Variants in SUGT1 observed in about 807,000 individuals in gnomAD.
The protein encoded by SUGT1 is SGT1 assembly cochaperone of MIS12 kinetochore complex.
A neutral mutation model predicts 56.1 loss-of-function variants in SUGT1; 15 were observed. That is an observed-to-expected ratio of 0.27 (90% CI 0.18 to 0.41). SUGT1 has a LOEUF of 0.41. Among genes scored for constraint, SUGT1 ranks in the 10% least tolerant of loss-of-function variants. SUGT1 has a pLI of 1.00. For missense variants in SUGT1, 347 were observed against 382.2 expected (o/e 0.91, Z 0.77); for synonymous variants, 123 against 128.6 (o/e 0.96, Z 0.30).
chr13:52,672,100 C>T (rs550008378), intron 10 of SUGT1, among the ~76,000 whole-genome samples: 3 of 152,134 alleles, frequency 2.0e-5, no homozygotes, highest in Non-Finnish European at 2.9e-5. Context: ...TTAGTTATTT[C>T]GATTTTTATT....
In SUGT1 at chr13:52,665,706, T is replaced by G; in HGVS notation, c.492T>G (p.Asp164Glu). 6.2e-7 allele frequency: 1 copy of G among 1,607,010 alleles called. No homozygotes were observed. Among genetic ancestry groups the G allele is most frequent in the African/African-American group, 1.3e-5 (1 of 74,588 alleles). Residue 164 changes from aspartate to glutamate, a missense_variant, in exon 9 of 13, where the codon GAT becomes GAG. By Grantham distance (45) the Asp-to-Glu change is conservative. Coordinates refer to ENST00000310528, the MANE Select transcript of SUGT1 (RefSeq NM_006704.5). ...TLMIKNVQKN[D>E]VNVEFSEKEL... ...TGATCAAGAATGTTCAGAAGAATGA[T>G]GTAAATGTGGAATTTTCAGAAAAAG...
At chr13:52,654,160 A>G (rs576962099) in intron 2 of SUGT1, among the ~76,000 whole-genome samples, 9 of 152,352 alleles carry the variant, frequency 5.9e-5, no homozygotes, top group Admixed American at 2.0e-4. Context: ...GCCAGGTCCT[A>G]TAAGGCCTTT....
intron 5 of SUGT1, among the ~76,000 whole-genome samples, chr13:52,660,968 G>A (rs898953421): frequency 1.3e-5 from 2 of 152,026 alleles, no homozygotes; most frequent in African/African-American, 4.8e-5. Context: ...CACCACACCT[G>A]ACTAATTTTT....
At chr13:52,683,200 G>A (rs1249571417) in intron 12 of SUGT1, among the ~76,000 whole-genome samples, 2 of 152,134 alleles carry the variant, frequency 1.3e-5, no homozygotes, top group Non-Finnish European at 1.5e-5. Flanking sequence ...TAAGGGAAAA[G>A]TATCTGTTGT....
At position 52,687,847 on chromosome 13, in the gene SUGT1, T is replaced by C; in HGVS notation, c.*12T>C. 1 of 1,563,206 alleles carries C rather than the reference T, an allele frequency of 6.4e-7. No homozygotes were observed. Among genetic ancestry groups the C allele is most frequent in the Non-Finnish European group, 8.7e-7 (1 of 1,150,532 alleles). ...GGAAAAAGTACTAAATAAATTAATT[T>C]GCTCTCATCGTATTGTGTATATTCA... is the stretch of plus-strand genomic sequence containing the variant. On this transcript the variant is annotated 3_prime_UTR_variant, in exon 13 of 13. Coordinates refer to ENST00000310528, the MANE Select transcript of SUGT1 (RefSeq NM_006704.5).
intron 10 of SUGT1, among the ~76,000 whole-genome samples, chr13:52,672,290 GT>G (rs908202399): frequency 2.0e-5 from 3 of 152,074 alleles, no homozygotes; most frequent in Non-Finnish European, 2.9e-5. Context: ...GAATCTTTTT[GT>G]TTATGGGAAT....
intron 10 of SUGT1, among the ~76,000 whole-genome samples, chr13:52,675,624 C>T (rs537173621): frequency 3.9e-5 from 6 of 152,276 alleles, no homozygotes; most frequent in Admixed American, 1.3e-4. Context: ...TGTACTGTCT[C>T]ATAGTAGGTG....
At chr13:52,659,096 A>G in intron 4 of SUGT1, 83 bp from the exon 5 acceptor site, 2 of 1,173,974 alleles carry the variant, frequency 1.7e-6, no homozygotes, top group Non-Finnish European at 1.2e-6. Context: ...TCAACAGTAG[A>G]AAATACTAAG....
intron 11 of SUGT1, among the ~76,000 whole-genome samples, chr13:52,678,594 G>C (rs146215266): frequency 6.6e-6 from 1 of 152,026 alleles, no homozygotes; most frequent in African/African-American, 2.4e-5. Context: ...AGTCTGCATT[G>C]AGATGATGTG....
At chr13:52,674,045 A>G (rs1413221954) in intron 10 of SUGT1, among the ~76,000 whole-genome samples, 1 of 138,382 alleles carries the variant, frequency 7.2e-6, no homozygotes, top group Non-Finnish European at 1.5e-5. Flanking sequence ...TACACCAAAG[A>G]TAGTATACTT....
At chr13:52,683,988 C>T (rs999364413) in intron 12 of SUGT1, among the ~76,000 whole-genome samples, 10 of 152,084 alleles carry the variant, frequency 6.6e-5, no homozygotes, top group Admixed American at 5.9e-4. Context: ...TCAAGTGATC[C>T]TCTCATCTCA....
At chr13:52,666,097 T>C (rs1476532232) in intron 9 of SUGT1, among the ~76,000 whole-genome samples, 3 of 152,234 alleles carry the variant, frequency 2.0e-5, no homozygotes, top group Non-Finnish European at 4.4e-5. Flanking sequence ...TTTTTTGTTG[T>C]TGTTTTTTGA....
rs1309473377 is a variant in SUGT1 at position 52,694,543 on chromosome 13, G to C, written c.*6708G>C. 1 of 152,172 alleles carries C rather than the reference G, an allele frequency of 6.6e-6. No individual in the cohort carries two copies. Among genetic ancestry groups the C allele is most frequent in the East Asian group, 1.9e-4 (1 of 5,204 alleles). 9.4% of individuals were successfully genotyped at this position (152,172 alleles called of 1,614,324 possible). On this transcript the variant is annotated 3_prime_UTR_variant, in exon 13 of 13. Transcript: ENST00000310528. The stretch of plus-strand genomic sequence containing the variant: ...TTAAGGAACTTTCGGAAGTTCTCTG[G>C]TTTTCATTTCAATTTCAAAGCTCAA...
Position 52,653,088 on chromosome 13 carries a change from C to G in SUGT1, c.81C>G (p.Pro27=). ...CGGATGCCCTAATCGACGAGGACCCCCAGGCGGCGTTAGAGGTGAGAGAGC... is the reference window on the plus strand; with the variant it reads ...CGGATGCCCTAATCGACGAGGACCCGCAGGCGGCGTTAGAGGTGAGAGAGC... ...SFSDALIDED[P]QAALEELTKA... The change falls in exon 2 of 13, where the codon CCC becomes CCG. Residue 27 remains proline (P), a synonymous_variant. Coordinates refer to ENST00000310528, the MANE Select transcript of SUGT1 (RefSeq NM_006704.5). The G allele has an allele frequency of 6.2e-7, 1 of 1,614,142 alleles. No individual in the cohort carries two copies. Among genetic ancestry groups the G allele is most frequent in the Non-Finnish European group, 8.5e-7 (1 of 1,180,038 alleles).
In SUGT1 at chr13:52,666,805, TC is replaced by T; in HGVS notation, c.520-6del. ...ACAAAATGTGATGCTAATTTTGTGT[TC>T]ATTAGTTGTCTGCTTTGGTTAAACT... On this transcript the variant is annotated splice_polypyrimidine_tract_variant and splice_region_variant and intron_variant, in intron 9 of 12. Coordinates refer to ENST00000310528, the MANE Select transcript of SUGT1 (RefSeq NM_006704.5). 2.5e-6 allele frequency: 4 copies of T among 1,599,436 alleles called. No individual in the cohort carries two copies. The highest frequency in any genetic ancestry group is 3.4e-6 in the Non-Finnish European group (4 of 1,167,904).
Position 52,699,371 on chromosome 13 carries a change from C to G in SUGT1, c.*11536C>G, listed in dbSNP as rs953511243. 1 of 152,098 alleles carries G rather than the reference C, an allele frequency of 6.6e-6. No homozygotes were observed. The highest frequency in any genetic ancestry group is 2.4e-5 in the African/African-American group (1 of 41,408). 9.4% of individuals were successfully genotyped at this position (152,098 alleles called of 1,614,324 possible). A position where few individuals can be genotyped will look rare whatever the true frequency, so the allele number is the denominator to read the frequency against. On this transcript the variant is annotated 3_prime_UTR_variant, in exon 13 of 13. Coordinates refer to ENST00000310528, the MANE Select transcript of SUGT1 (RefSeq NM_006704.5). ...TACTAGAACTGAGCAGAGAAATACT[C>G]AGAGAGAGCCATGGCATAGTACTAA...
chr13:52,677,546 A>G (rs1295185638), intron 11 of SUGT1, among the ~76,000 whole-genome samples: 1 of 152,198 alleles, frequency 6.6e-6, no homozygotes, highest in Admixed American at 6.5e-5. Context: ...ATCACTTTAA[A>G]TGTAGTATCT....
At chr13:52,670,215 T>G (rs1026316375) in intron 10 of SUGT1, among the ~76,000 whole-genome samples, 3 of 152,226 alleles carry the variant, frequency 2.0e-5, no homozygotes, top group Non-Finnish European at 4.4e-5. Flanking sequence ...TAGTAAGAGG[T>G]AAAACCCTGA....
chr13:52,680,095 A>G lies in SUGT1; in HGVS notation c.840A>G (p.Leu280=). 2.5e-6 allele frequency: 4 copies of G among 1,596,996 alleles called. No homozygotes were observed. The highest frequency in any genetic ancestry group is 3.4e-6 in the Non-Finnish European group (4 of 1,175,492). The change falls in exon 12 of 13, where the codon TTA becomes TTG. Residue 280 remains leucine (L), a synonymous_variant. Coordinates refer to ENST00000310528, the MANE Select transcript of SUGT1 (RefSeq NM_006704.5). ...AGGGAGATGCAGCTTTAAACAGATTATTTCAGCAGATCTATTCAGATGGTT... is the reference window on the plus strand; with the variant it reads ...AGGGAGATGCAGCTTTAAACAGATTGTTTCAGCAGATCTATTCAGATGGTT... ...KLEGDAALNR[L]FQQIYSDGSD... is the part of the protein sequence containing the mutation.
Sources: allele counts gnomAD v4.1 joint callset (sites outside exome capture counted in the v4.1 genomes callset), GRCh38; gene constraint gnomAD v4.1.1; transcripts MANE v1.5; gene names NCBI Gene and HGNC (gene_info 2026-07-23, HGNC 2026-07-21).